CDYL2: variants seen among roughly 807,000 people sequenced by gnomAD.
CDYL2 encodes chromodomain Y-like protein 2.
In CDYL2, 23 loss-of-function variants were observed where a neutral mutation model predicts 49.4. The observed-to-expected ratio is 0.47, with a 90% CI of 0.34 to 0.66. The LOEUF (loss-of-function observed/expected upper bound fraction) is 0.66, where lower values mean the gene tolerates loss of function less well. Among genes scored for constraint, CDYL2 ranks in the 30% least tolerant of loss-of-function variants. The pLI, the probability that CDYL2 is intolerant of heterozygous loss-of-function variation, is 0.01. For missense variants in CDYL2, 678 were observed against 656.4 expected (o/e 1.03, Z -0.36); for synonymous variants, 360 against 268.8 (o/e 1.34, Z -3.32).
Position 80,620,209 on chromosome 16 carries a change from G to C in CDYL2, c.1007+554C>G, listed in dbSNP as rs190677672. 3.3e-5 allele frequency among the ~76,000 whole-genome samples: 5 copies of C among 152,352 alleles called. No homozygotes were observed. In the East Asian group the frequency reaches 9.6e-4, roughly 29 times the overall value. ...GTGTCCCAAAAGGGTACTCATTGTT[G>C]GGACTGGATGTCACCGCCAGGATCC... On this transcript the variant is annotated intron_variant, in intron 4 of 6. Coordinates refer to ENST00000570137, the MANE Select transcript of CDYL2 (RefSeq NM_152342.4).
At chr16:80,689,766 AG>A (rs776165780) in intron 1 of CDYL2, among the ~76,000 whole-genome samples, 3 of 152,246 alleles carry the variant, frequency 2.0e-5, no homozygotes, top group Admixed American at 2.0e-4. Context: ...CATGGCTCAC[AG>A]GCTAGTGAGA....
At position 80,727,583 on chromosome 16, in the gene CDYL2, G is replaced by A. The variant is rs564405065; in HGVS notation, c.25-42454C>T. Among the ~76,000 whole-genome samples the A allele has an allele frequency of 6.1e-3, 935 of 152,326 alleles. 12 individuals carry two copies. Among genetic ancestry groups the A allele is most frequent in the African/African-American group, 0.021 (869 of 41,584 alleles). On this transcript the variant is annotated intron_variant, in intron 1 of 6. Transcript: ENST00000570137. ...CAAAGCAGCCAGGAAGCTCGAACTGGGTGGAGCCCACCACAGCTCAAGGAG... is the reference window on the plus strand; with the variant it reads ...CAAAGCAGCCAGGAAGCTCGAACTGAGTGGAGCCCACCACAGCTCAAGGAG...
At chr16:80,698,948 A>T (rs1387808085) in intron 1 of CDYL2, among the ~76,000 whole-genome samples, 3 of 152,342 alleles carry the variant, frequency 2.0e-5, no homozygotes, top group South Asian at 2.1e-4. Context: ...ATGCAAATCA[A>T]AACCACAATG....
At chr16:80,721,015 G>A (rs1904980531) in intron 1 of CDYL2, among the ~76,000 whole-genome samples, 1 of 152,094 alleles carries the variant, frequency 6.6e-6, no homozygotes. Flanking sequence ...TCATCCTGGA[G>A]AGACCCTAAG....
chr16:80,778,961 C>G (rs1320124931), intron 1 of CDYL2, among the ~76,000 whole-genome samples: 2 of 151,958 alleles, frequency 1.3e-5, no homozygotes, highest in Non-Finnish European at 2.9e-5. Flanking sequence ...TCACATAATA[C>G]AGCAAAACAA....
intron 1 of CDYL2, among the ~76,000 whole-genome samples, chr16:80,796,350 C>A (rs1053829476): frequency 2.6e-5 from 4 of 152,194 alleles, no homozygotes. Context: ...CACAGCAACA[C>A]CTAGATTTTG....
At chr16:80,742,639 TGGATGGA>T (rs1387856094) in intron 1 of CDYL2, among the ~76,000 whole-genome samples, 1 of 151,118 alleles carries the variant, frequency 6.6e-6, no homozygotes, top group Non-Finnish European at 1.5e-5. Flanking sequence ...GATGGATGGA[TGGATGGA>T]GGATAGATAG....
At chr16:80,640,282 T>G (rs1214654494) in intron 2 of CDYL2, among the ~76,000 whole-genome samples, 1 of 152,200 alleles carries the variant, frequency 6.6e-6, no homozygotes, top group South Asian at 2.1e-4. Context: ...AACAGCTCAG[T>G]CACAGCAGGA....
At chr16:80,675,574 G>A (rs770949687) in intron 2 of CDYL2, among the ~76,000 whole-genome samples, 1 of 152,188 alleles carries the variant, frequency 6.6e-6, no homozygotes, top group African/African-American at 2.4e-5. Context: ...GGTGGAGGAA[G>A]GCCCTGGGAT....
intron 2 of CDYL2, among the ~76,000 whole-genome samples, chr16:80,648,366 T>A (rs1015263168): frequency 2.0e-5 from 3 of 152,132 alleles, no homozygotes; most frequent in African/African-American, 4.8e-5. Context: ...GTGGCTACTA[T>A]GAGCAATTAT....
rs1909341278 is a variant in CDYL2 at position 80,668,027 on chromosome 16, A to G, written c.616+16511T>C. Among the ~76,000 whole-genome samples the G allele has an allele frequency of 2.0e-5, 3 of 152,232 alleles. No individual in the cohort carries two copies. The South Asian group carries it at 6.2e-4, about 32-fold the overall frequency. On this transcript the variant is annotated intron_variant, in intron 2 of 6. Coordinates refer to ENST00000570137, the MANE Select transcript of CDYL2 (RefSeq NM_152342.4). ...AGATGCTCACCCACATTTAGAAACT[A>G]AAATTAAAACAACAGGGCCTGGAAA...
At chr16:80,737,146 T>C (rs755714385) in intron 1 of CDYL2, among the ~76,000 whole-genome samples, 10 of 152,186 alleles carry the variant, frequency 6.6e-5, no homozygotes, top group Non-Finnish European at 1.3e-4. Flanking sequence ...CTCACAAATC[T>C]ATCCATGCCC....
At chr16:80,674,593 T>C (rs1309210634) in intron 2 of CDYL2, among the ~76,000 whole-genome samples, 1 of 152,228 alleles carries the variant, frequency 6.6e-6, no homozygotes, top group Admixed American at 6.5e-5. Flanking sequence ...TGAAATGCCG[T>C]ACCCATTAGC....
chr16:80,664,810 C>G (rs1236807954), intron 2 of CDYL2, among the ~76,000 whole-genome samples: 1 of 152,082 alleles, frequency 6.6e-6, no homozygotes, highest in Non-Finnish European at 1.5e-5. Context: ...CCTGCATATA[C>G]CTCAGTTTCC....
chr16:80,782,639 T>G (rs183658282), intron 1 of CDYL2, among the ~76,000 whole-genome samples: 1 of 149,900 alleles, frequency 6.7e-6, no homozygotes, highest in East Asian at 2.0e-4. Flanking sequence ...GTTAAAAGGA[T>G]CACACACCAT....
intron 1 of CDYL2, among the ~76,000 whole-genome samples, chr16:80,732,299 C>G (rs1905355202): frequency 6.6e-6 from 1 of 151,590 alleles, no homozygotes; most frequent in South Asian, 2.1e-4. Context: ...AGTTTTCTGT[C>G]TTAGTGGGAC....
intron 6 of CDYL2, among the ~76,000 whole-genome samples, chr16:80,605,228 T>A (rs907689724): frequency 2.0e-5 from 3 of 151,386 alleles, no homozygotes; most frequent in Non-Finnish European, 4.4e-5. Flanking sequence ...GATCTATGAT[T>A]ATTCATTACT....
chr16:80,777,441 G>C (rs572250341), intron 1 of CDYL2, among the ~76,000 whole-genome samples: 4 of 149,060 alleles, frequency 2.7e-5, no homozygotes, highest in Admixed American at 2.7e-4. Context: ...TGATTTTACA[G>C]AAAAAAAAAT....
chr16:80,744,879 G>C (rs1905872534), intron 1 of CDYL2, among the ~76,000 whole-genome samples: 1 of 152,182 alleles, frequency 6.6e-6, no homozygotes, highest in Admixed American at 6.5e-5. Flanking sequence ...TCCTCCTGCA[G>C]TGAGCTCTGC....
Sources: gnomAD v4.1 joint callset for allele counts (sites outside exome capture counted in the v4.1 genomes callset) on GRCh38, gnomAD v4.1.1 for gene constraint, MANE v1.5 for transcripts, NCBI Gene and HGNC (gene_info 2026-07-23, HGNC 2026-07-21) for gene names.